Variants in LY96 observed in about 807,000 individuals in gnomAD.
The protein encoded by LY96 is myeloid differentiation protein-2.
In LY96, 18 loss-of-function variants were observed where a neutral mutation model predicts 18.9. The observed-to-expected ratio is 0.95, with a 90% CI of 0.66 to 1.41. The LOEUF (loss-of-function observed/expected upper bound fraction) is 1.41, where lower values mean the gene tolerates loss of function less well. LY96 is among the 40% of genes most tolerant of loss of function. The pLI is 0.00. For missense variants in LY96, 175 were observed against 182.4 expected (o/e 0.96, Z 0.23); for synonymous variants, 66 against 62.6 (o/e 1.06, Z -0.26).
chr8:74,068,089 A>AAATATATATATATATATATAT, the LY96 span, among the ~76,000 whole-genome samples: 1 of 67,930 alleles, frequency 1.5e-5, no homozygotes, highest in African/African-American at 9.6e-5. Flanking sequence ...AAAAAAAAAA[A>AAATATATATATATATATATAT]ATATATATAT....
the LY96 span, among the ~76,000 whole-genome samples, chr8:74,051,794 C>G: frequency 1.3e-5 from 2 of 152,134 alleles, no homozygotes; most frequent in African/African-American, 4.8e-5. Context: ...TTTGCTGGTG[C>G]CTTGATCTTG....
At chr8:74,033,487 T>C (rs1817002924), downstream of LY96, among the ~76,000 whole-genome samples, 1 of 152,208 alleles carries the variant, frequency 6.6e-6, no homozygotes. Context: ...ATCCTTTTGA[T>C]ATAGGGTCTT....
the LY96 span, among the ~76,000 whole-genome samples, chr8:74,051,169 A>G: frequency 2.0e-5 from 3 of 152,232 alleles, no homozygotes; most frequent in Non-Finnish European, 4.4e-5. Context: ...TCTCAGAGCC[A>G]AGAGAGGAAG....
chr8:74,042,978 T>G, the LY96 span, among the ~76,000 whole-genome samples: 34 of 152,020 alleles, frequency 2.2e-4, no homozygotes. Flanking sequence ...GGGTTCCCCA[T>G]GTTGGCCAGG....
At chr8:74,072,791 T>C in the LY96 span, among the ~76,000 whole-genome samples, 1 of 152,068 alleles carries the variant, frequency 6.6e-6, no homozygotes, top group Non-Finnish European at 1.5e-5. Context: ...TGGAAAAAGC[T>C]GGGAGGGGAG....
At chr8:74,020,161 T>G (rs972621359) in intron 3 of LY96, among the ~76,000 whole-genome samples, 1 of 152,138 alleles carries the variant, frequency 6.6e-6, no homozygotes, top group African/African-American at 2.4e-5. Flanking sequence ...GATTGTATAT[T>G]TGGAAAACCC....
At chr8:74,003,825 T>C (rs1237631290) in intron 1 of LY96, among the ~76,000 whole-genome samples, 1 of 152,198 alleles carries the variant, frequency 6.6e-6, no homozygotes, top group Non-Finnish European at 1.5e-5. Context: ...GGAAAGCTTA[T>C]TTCTTTCTCT....
intron 1 of LY96, among the ~76,000 whole-genome samples, chr8:73,997,540 A>G (rs1167825477): frequency 2.0e-5 from 3 of 152,190 alleles, no homozygotes; most frequent in Non-Finnish European, 4.4e-5. Context: ...TGAAATCTCA[A>G]CTTTATACCA....
the LY96 span, chr8:74,048,802 A>C: frequency 2.1e-5 from 3 of 139,896 alleles, no homozygotes; most frequent in Non-Finnish European, 4.6e-5. Flanking sequence ...GGAAGGAGAA[A>C]AAGAAAAAAA....
At chr8:74,040,717 T>TTA in the LY96 span, among the ~76,000 whole-genome samples, 1 of 131,382 alleles carries the variant, frequency 7.6e-6, no homozygotes, top group Non-Finnish European at 1.6e-5. Flanking sequence ...TTTTTTTTTT[T>TTA]TTTGAGATGC....
At chr8:74,010,159 A>G (rs1170883969) in intron 3 of LY96, 30 bp downstream of exon 3, 2 of 1,576,964 alleles carry the variant, frequency 1.3e-6, no homozygotes, top group Non-Finnish European at 1.7e-6. Context: ...TACTTTTAGA[A>G]TAGGAAATAA....
At chr8:74,010,542 C>T (rs1386712616) in intron 3 of LY96, among the ~76,000 whole-genome samples, 2 of 152,024 alleles carry the variant, frequency 1.3e-5, no homozygotes, top group Non-Finnish European at 2.9e-5. Context: ...TATATTCCAG[C>T]TTTTCCATTT....
At chr8:74,062,731 C>A in the LY96 span, among the ~76,000 whole-genome samples, 1 of 152,062 alleles carries the variant, frequency 6.6e-6, no homozygotes, top group Non-Finnish European at 1.5e-5. Context: ...TCACAGTGGT[C>A]CTATGTGGTA....
At chr8:74,094,163 G>T in the LY96 span, among the ~76,000 whole-genome samples, 3 of 152,006 alleles carry the variant, frequency 2.0e-5, no homozygotes, top group Non-Finnish European at 4.4e-5. Flanking sequence ...CCTAATTGTG[G>T]GTGGGGTGTG....
chr8:74,038,594 T>C, the LY96 span, among the ~76,000 whole-genome samples: 2 of 152,252 alleles, frequency 1.3e-5, no homozygotes, highest in Non-Finnish European at 2.9e-5. Flanking sequence ...TCTTACTATA[T>C]TGACCAGGCT....
chr8:74,044,695 C>T, the LY96 span, among the ~76,000 whole-genome samples: 2 of 152,278 alleles, frequency 1.3e-5, no homozygotes, highest in African/African-American at 4.8e-5. Context: ...TCATTCTTTT[C>T]TCCTTCAAAA....
the LY96 span, among the ~76,000 whole-genome samples, chr8:74,034,970 G>C: frequency 6.6e-6 from 1 of 152,184 alleles, no homozygotes; most frequent in Non-Finnish European, 1.5e-5. Flanking sequence ...TAGAATTAAA[G>C]GAAGATAATT....
chr8:74,057,016 T>C, the LY96 span, among the ~76,000 whole-genome samples: 1 of 152,160 alleles, frequency 6.6e-6, no homozygotes, highest in Non-Finnish European at 1.5e-5. Context: ...GGTAGCATCA[T>C]CATCACTTCC....
At chr8:73,992,933 C>T (rs559540131) in intron 1 of LY96, among the ~76,000 whole-genome samples, 1 of 151,564 alleles carries the variant, frequency 6.6e-6, no homozygotes, top group Admixed American at 6.6e-5. Context: ...CGGCTCACTG[C>T]AACCTCTGCC....
Sources: gnomAD v4.1 joint callset for allele counts (sites outside exome capture counted in the v4.1 genomes callset) on GRCh38, gnomAD v4.1.1 for gene constraint, MANE v1.5 for transcripts, NCBI Gene and HGNC (gene_info 2026-07-23, HGNC 2026-07-21) for gene names.